The following IQANK1 variants were observed in gnomAD, a reference collection of about 807,000 sequenced individuals.
The protein encoded by IQANK1 is IQ motif and ankyrin repeat containing 1, also known as IQ motif and ankyrin repeat domain-containing protein 1.
IQANK1 carries 30 observed loss-of-function variants against 22.6 expected under a neutral mutation model. The ratio of observed to expected loss-of-function variants is 1.33; its 90% CI spans 0.99 to 1.80. The LOEUF (loss-of-function observed/expected upper bound fraction) is 1.80. Among genes scored for constraint, IQANK1 ranks in the 40% most tolerant of loss-of-function variants. The pLI is 0.00. For synonymous variants in IQANK1, 122 were observed against 99.6 expected (o/e 1.23, Z -1.34); for missense variants, 275 against 235.2 (o/e 1.17, Z -1.11).
intron 2 of IQANK1, chr8:143,739,366 C>T (rs1818832448): frequency 6.5e-6 from 1 of 152,980 alleles, no homozygotes; most frequent in Admixed American, 6.5e-5. Flanking sequence ...TGGCGCAACC[C>T]TGCCTGAAGC....
chr8:143,738,033 G>A (rs1232927788), intron 2 of IQANK1, among the ~76,000 whole-genome samples: 1 of 152,154 alleles, frequency 6.6e-6, no homozygotes, highest in African/African-American at 2.4e-5. Flanking sequence ...GGCTGCTCTG[G>A]CCTGGCCACC....
chr8:143,769,478 C>T (rs1317249367), intron 3 of IQANK1, among the ~76,000 whole-genome samples: 1 of 152,168 alleles, frequency 6.6e-6, no homozygotes, highest in African/African-American at 2.4e-5. Flanking sequence ...ATTACAAGGC[C>T]ACTGCGCTTG....
chr8:143,778,856 G>A (rs1283461653), intron 7 of IQANK1, among the ~76,000 whole-genome samples: 1 of 152,194 alleles, frequency 6.6e-6, no homozygotes, highest in Non-Finnish European at 1.5e-5. Context: ...CTGCCTCCCG[G>A]GTTTATGCGG....
At chr8:143,749,874 T>C (rs1819154297) in intron 3 of IQANK1, among the ~76,000 whole-genome samples, 1 of 151,744 alleles carries the variant, frequency 6.6e-6, no homozygotes, top group Admixed American at 6.6e-5. Context: ...GCTTCATATA[T>C]TTTGATGATC....
chr8:143,771,690 G>C lies in IQANK1; in HGVS notation c.306+72G>C. ...GGGAGGAAATGGCGAAGCAGGGTGC[G>C]TGGTGGGGGTGAGGCTCAGATCGGG... On this transcript the variant is annotated intron_variant, in intron 4 of 13. Coordinates refer to ENST00000527139, the MANE Select transcript of IQANK1 (RefSeq NM_001381874.1). The surrounding 1 kb of genome is among the most constrained non-coding windows in gnomAD (Gnocchi z 6.0). The C allele has an allele frequency of 2.5e-6, 1 of 398,268 alleles. No individual in the cohort carries two copies. Among genetic ancestry groups the C allele is most frequent in the East Asian group, 3.6e-5 (1 of 27,980 alleles). 24.7% of individuals were successfully genotyped at this position (398,268 alleles called of 1,614,324 possible). A position where few individuals can be genotyped will look rare whatever the true frequency, so the allele number is the denominator to read the frequency against.
intron 7 of IQANK1, among the ~76,000 whole-genome samples, chr8:143,781,695 C>G (rs1563780197): frequency 6.6e-6 from 1 of 152,076 alleles, no homozygotes; most frequent in Non-Finnish European, 1.5e-5. Context: ...TTGTGTAGTA[C>G]CATACTGTTT....
chr8:143,738,343 G>A lies in IQANK1; in HGVS notation c.86-1516G>A, dbSNP rs988888486. Reference sequence around the variant, plus strand: ...AGAGGGCGTCCCTGGAGGCTACAGTGGCCGTGTGCTCCCACGCCAGGCTTG... The same window carrying A: ...AGAGGGCGTCCCTGGAGGCTACAGTAGCCGTGTGCTCCCACGCCAGGCTTG... On this transcript the variant is annotated intron_variant, in intron 2 of 13. Transcript: ENST00000527139. Among the ~76,000 whole-genome samples, 17 of 152,192 alleles carry A rather than the reference G, an allele frequency of 1.1e-4. 1 individual carries two copies. The South Asian group carries it at 1.9e-3, about 17-fold the overall frequency.
intron 3 of IQANK1, among the ~76,000 whole-genome samples, chr8:143,750,966 G>GTTTTT (rs572143258): frequency 1.3e-5 from 2 of 150,596 alleles, no homozygotes; most frequent in African/African-American, 4.9e-5. Context: ...GTGTGTGTGT[G>GTTTTT]TTTTTTTGTA....
At chr8:143,778,857 G>A (rs1450376693) in intron 7 of IQANK1, among the ~76,000 whole-genome samples, 1 of 152,224 alleles carries the variant, frequency 6.6e-6, no homozygotes, top group Non-Finnish European at 1.5e-5. Context: ...TGCCTCCCGG[G>A]TTTATGCGGT....
At chr8:143,769,896 G>A (rs1819541644) in intron 3 of IQANK1, among the ~76,000 whole-genome samples, 1 of 152,166 alleles carries the variant, frequency 6.6e-6, no homozygotes, top group African/African-American at 2.4e-5. Context: ...GCAGAATTTT[G>A]TGGACACTGC....
At chr8:143,752,237 A>G (rs1819211488) in intron 3 of IQANK1, among the ~76,000 whole-genome samples, 1 of 152,186 alleles carries the variant, frequency 6.6e-6, no homozygotes, top group East Asian at 1.9e-4. Context: ...AAGTGCTGGG[A>G]TTACAGGCGT....
chr8:143,778,993 C>T (rs1819742351), intron 7 of IQANK1, among the ~76,000 whole-genome samples: 1 of 152,186 alleles, frequency 6.6e-6, no homozygotes, highest in African/African-American at 2.4e-5. Context: ...TTTCGAACTC[C>T]TGACCTCAGG....
At position 143,762,060 on chromosome 8, in the gene IQANK1, G is replaced by A. The variant is rs563364091; in HGVS notation, c.176-9428G>A. ...CATTTATGGTATTTGTATCCCATTC[G>A]TAAAGTAAGAGTTTACTTTAAAATG... On this transcript the variant is annotated intron_variant, in intron 3 of 13. Transcript: ENST00000527139. Among the ~76,000 whole-genome samples, 442 of 152,220 alleles carry A rather than the reference G, an allele frequency of 2.9e-3. 2 individuals carry two copies. The highest frequency in any genetic ancestry group is 0.01 in the African/African-American group (421 of 41,542).
At chr8:143,757,430 G>A (rs566633619) in intron 3 of IQANK1, among the ~76,000 whole-genome samples, 11 of 151,298 alleles carry the variant, frequency 7.3e-5, no homozygotes, top group East Asian at 2.0e-4. Context: ...TCCGCCTCCC[G>A]GGTTCATGCC....
At chr8:143,756,946 C>G (rs531111778) in intron 3 of IQANK1, among the ~76,000 whole-genome samples, 1 of 151,790 alleles carries the variant, frequency 6.6e-6, no homozygotes, top group Non-Finnish European at 1.5e-5. Context: ...CCACTGCACT[C>G]CAGCCTGGGT....
chr8:143,772,021 C>G, intron 5 of IQANK1, 31 bp from the exon 6 acceptor site: 1 of 394,082 alleles, frequency 2.5e-6, no homozygotes, highest in South Asian at 1.3e-4. Flanking sequence ...GTGGGAGGAG[C>G]GGGGAGCGGT....
chr8:143,766,163 C>T (rs1387126176), intron 3 of IQANK1, among the ~76,000 whole-genome samples: 1 of 152,186 alleles, frequency 6.6e-6, no homozygotes, highest in African/African-American at 2.4e-5. Flanking sequence ...AGATTCATCA[C>T]ATTTCCATAT....
rs559827965 is a variant in IQANK1, at chr8:143,788,018, G to A, written c.790-897G>A. 2.6e-4 allele frequency among the ~76,000 whole-genome samples: 40 copies of A among 152,186 alleles called. 1 individual carries two copies. The South Asian group carries it at 7.7e-3, about 29-fold the overall frequency. On this transcript the variant is annotated intron_variant, in intron 7 of 13. Transcript: ENST00000527139. Reference sequence around the variant, plus strand: ...CAGCTCCTCGGGCCCCGACTGTTTCGCAGGCCTAATTCCGAGTATGAGAGT... The same window carrying A: ...CAGCTCCTCGGGCCCCGACTGTTTCACAGGCCTAATTCCGAGTATGAGAGT...
At chr8:143,742,883 C>T (rs1040415712) in intron 3 of IQANK1, 12 of 455,990 alleles carry the variant, frequency 2.6e-5, no homozygotes, top group Middle Eastern at 3.2e-4. Context: ...CTGGCAAGCA[C>T]GGGGTCTTTC....
Sources: allele counts gnomAD v4.1 joint callset (sites outside exome capture counted in the v4.1 genomes callset), GRCh38; gene constraint gnomAD v4.1.1; non-coding constraint Gnocchi (gnomAD v3.1); transcripts MANE v1.5; gene names NCBI Gene and HGNC (gene_info 2026-07-23, HGNC 2026-07-21).